Variants in ARHGEF7 observed in about 807,000 individuals in gnomAD.
The protein encoded by ARHGEF7 is Rho guanine nucleotide exchange factor 7.
Under a neutral mutation model 109.8 loss-of-function variants are expected in ARHGEF7, and 33 were observed. That is an observed-to-expected ratio of 0.30 (90% CI 0.23 to 0.40). ARHGEF7 has a LOEUF of 0.40. Ranked by LOEUF, ARHGEF7 falls within the 10% of genes least tolerant of loss-of-function variation. ARHGEF7 has a pLI of 1.00. For synonymous variants in ARHGEF7, 458 were observed against 424.6 expected (o/e 1.08, Z -0.97); for missense variants, 938 against 1,098.5 (o/e 0.85, Z 2.07).
At chr13:111,190,020 G>C (rs1186740287) in intron 2 of ARHGEF7, among the ~76,000 whole-genome samples, 1 of 152,152 alleles carries the variant, frequency 6.6e-6, no homozygotes, top group Non-Finnish European at 1.5e-5. Flanking sequence ...TGCTGGATAG[G>C]GATGAAGAAG....
At chr13:111,130,357 A>G (rs1359878156) in intron 1 of ARHGEF7, among the ~76,000 whole-genome samples, 1 of 152,190 alleles carries the variant, frequency 6.6e-6, no homozygotes, top group Non-Finnish European at 1.5e-5. Context: ...TGATACCTCA[A>G]TACGGCATAT....
chr13:111,280,252 TGGGGGGGGGTC>T lies in ARHGEF7; in HGVS notation c.1507-19_1507-9del. The T allele has an allele frequency of 3.5e-6, 5 of 1,434,826 alleles. No homozygotes were observed. Among genetic ancestry groups the T allele is most frequent in the African/African-American group, 2.9e-5 (2 of 68,722 alleles). The allele number at this position is 1,434,826 out of a possible 1,614,324, so 88.9% of individuals were successfully genotyped here. A position where few individuals can be genotyped will look rare whatever the true frequency, so the allele number is the denominator to read the frequency against. ...AAAGCACTAATTGTTTTTTTTTTTG[TGGGGGGGGGTC>T]TTTTTTAGGGAAAGCTTCCAACGAC... On this transcript the variant is annotated splice_polypyrimidine_tract_variant and intron_variant, in intron 13 of 21. Transcript: ENST00000646102.
chr13:111,190,813 T>TTA (rs2079797935), intron 2 of ARHGEF7, among the ~76,000 whole-genome samples: 1 of 152,094 alleles, frequency 6.6e-6, no homozygotes, highest in African/African-American at 2.4e-5. Context: ...AGAATACATC[T>TTA]TGGCTGGGTA....
Position 111,115,709 on chromosome 13 carries a change from C to T in ARHGEF7, c.165+18C>T, listed in dbSNP as rs2066682686. 9 of 1,146,826 alleles carry T rather than the reference C, an allele frequency of 7.8e-6. No individual in the cohort carries two copies. The highest frequency in any genetic ancestry group is 5.0e-5 in the African/African-American group (3 of 60,598). 71.0% of individuals were successfully genotyped at this position (1,146,826 alleles called of 1,614,324 possible). A position where few individuals can be genotyped will look rare whatever the true frequency, so the allele number is the denominator to read the frequency against. On this transcript the variant is annotated intron_variant, in intron 1 of 21. Coordinates refer to ENST00000646102, the MANE Select transcript of ARHGEF7 (RefSeq NM_001354046.2). ...TCGAGAAAGTAAGTCCCGGCCCGCG[C>T]CCCCGCCCGCGCCCCCCGGTCCGGC...
At chr13:111,241,671 C>T (rs950675554) in intron 6 of ARHGEF7, among the ~76,000 whole-genome samples, 1 of 152,154 alleles carries the variant, frequency 6.6e-6, no homozygotes, top group Non-Finnish European at 1.5e-5. Context: ...GACAAAAGGT[C>T]ATTGTATTTT....
chr13:111,299,631 G>A (rs114054683), intron 19 of ARHGEF7, among the ~76,000 whole-genome samples: 2 of 152,084 alleles, frequency 1.3e-5, no homozygotes, highest in African/African-American at 2.4e-5. Context: ...CGTGAGCCAC[G>A]GCACCCGGCT....
intron 2 of ARHGEF7, among the ~76,000 whole-genome samples, chr13:111,200,711 A>G (rs995593051): frequency 6.6e-6 from 1 of 152,236 alleles, no homozygotes; most frequent in African/African-American, 2.4e-5. Context: ...TTGATGTCTC[A>G]ACACCATCTG....
At position 111,273,870 on chromosome 13, in the gene ARHGEF7, T is replaced by G; in HGVS notation, c.1130T>G (p.Val377Gly). ...GGTGCCAGCAGCCCTGGGATTCTCG[T>G]GCTGACCACGGGCCTGAGCAAACCC... ...TKGASSPGIL[V>G]LTTGLSKPFM... The change falls in exon 10 of 22, where the codon GTG becomes GGG. Residue 377 changes from valine to glycine, a missense_variant. Val to Gly is a moderately radical substitution (Grantham distance 109, BLOSUM62 -3). This residue lies in a region of ARHGEF7 where 585 missense variants were observed against 723.6 expected (regional missense o/e 0.81). Transcript: ENST00000646102. This position sits in a 1 kb window ranked among gnomAD's most constrained non-coding sequence, Gnocchi z 4.5. The G allele has an allele frequency of 6.2e-7, 1 of 1,614,180 alleles. No homozygotes were observed. The highest frequency in any genetic ancestry group is 8.5e-7 in the Non-Finnish European group (1 of 1,180,032).
At chr13:111,193,151 C>T (rs1419013679) in intron 2 of ARHGEF7, among the ~76,000 whole-genome samples, 1 of 152,174 alleles carries the variant, frequency 6.6e-6, no homozygotes, top group African/African-American at 2.4e-5. Context: ...TAAGTATTTT[C>T]CACTGGATGG....
At chr13:111,284,028 A>G (rs2153612715) in intron 16 of ARHGEF7, among the ~76,000 whole-genome samples, 1 of 152,296 alleles carries the variant, frequency 6.6e-6, no homozygotes, top group East Asian at 1.9e-4. Context: ...GTCTTTAGAA[A>G]TCTGTTCTGA....
chr13:111,289,636 G>A (rs1595565850), intron 18 of ARHGEF7, among the ~76,000 whole-genome samples: 1 of 151,328 alleles, frequency 6.6e-6, no homozygotes, highest in East Asian at 1.9e-4. Flanking sequence ...CTGCAGTGTG[G>A]TGGTTCCAAT....
intron 2 of ARHGEF7, among the ~76,000 whole-genome samples, chr13:111,166,982 G>T (rs2077181029): frequency 6.6e-6 from 1 of 152,160 alleles, no homozygotes; most frequent in South Asian, 2.1e-4. Flanking sequence ...GTGAAGGGCT[G>T]GGGGAGGAAG....
intron 19 of ARHGEF7, chr13:111,293,061 C>T: frequency 3.0e-6 from 3 of 985,446 alleles, no homozygotes; most frequent in Non-Finnish European, 3.6e-6. Flanking sequence ...CCCAAACTTC[C>T]CTGAATTGCA....
At chr13:111,284,102 G>A (rs544895326) in intron 16 of ARHGEF7, among the ~76,000 whole-genome samples, 94 of 152,044 alleles carry the variant, frequency 6.2e-4, no homozygotes, top group African/African-American at 2.1e-3. Flanking sequence ...GCAGTTGAGC[G>A]TGCATGGTGG....
chr13:111,286,327 G>A, intron 17 of ARHGEF7, 87 bp downstream of exon 17: 1 of 1,097,468 alleles, frequency 9.1e-7, no homozygotes, highest in Non-Finnish European at 1.4e-6. Flanking sequence ...AGGCTTGGTG[G>A]CTTTCTGAAG....
At chr13:111,144,333 G>C (rs895627440) in intron 1 of ARHGEF7, 7 of 152,260 alleles carry the variant, frequency 4.6e-5, no homozygotes, top group African/African-American at 1.7e-4. Flanking sequence ...ATTTCTTCCA[G>C]TAAACGACTT....
intron 6 of ARHGEF7, chr13:111,241,462 T>A: frequency 2.1e-6 from 2 of 943,950 alleles, no homozygotes; most frequent in Non-Finnish European, 3.2e-6. Context: ...AAGTTAAGTG[T>A]AACTTGCATT....
intron 2 of ARHGEF7, among the ~76,000 whole-genome samples, chr13:111,173,837 C>G (rs191473869): frequency 1.3e-5 from 2 of 151,944 alleles, no homozygotes; most frequent in Non-Finnish European, 2.9e-5. Flanking sequence ...GAGACAGGTG[C>G]GGGTGTCTGT....
chr13:111,214,293 G>GC (rs2082853688), intron 4 of ARHGEF7, among the ~76,000 whole-genome samples: 1 of 152,222 alleles, frequency 6.6e-6, no homozygotes, highest in Non-Finnish European at 1.5e-5. Context: ...ATTCAGGCCT[G>GC]CCCTGGCCTC....
Sources: gnomAD v4.1 joint callset for allele counts (sites outside exome capture counted in the v4.1 genomes callset) on GRCh38, gnomAD v4.1.1 for gene constraint, gnomAD v4.1.1 regional missense constraint, Gnocchi (gnomAD v3.1) non-coding constraint, MANE v1.5 for transcripts, NCBI Gene and HGNC (gene_info 2026-07-23, HGNC 2026-07-21) for gene names.